CUBN: variants seen among roughly 807,000 people sequenced by gnomAD.
CUBN encodes the protein cubilin.
CUBN carries 282 observed loss-of-function variants against 405.3 expected under a neutral mutation model. That is an observed-to-expected ratio of 0.70 (90% CI 0.63 to 0.77). CUBN has a LOEUF of 0.77. Ranked by LOEUF, CUBN falls within the 30% of genes least tolerant of loss-of-function variation. The pLI, the probability that CUBN is intolerant of heterozygous loss-of-function variation, is 0.00. For missense variants in CUBN, 4,514 were observed against 4,475.2 expected (o/e 1.01, Z -0.25); for synonymous variants, 1,684 against 1,617.0 (o/e 1.04, Z -0.99).
At chr10:17,102,983 A>G in intron 13 of CUBN, 142 bp downstream of exon 13, 2 of 671,554 alleles carry the variant, frequency 3.0e-6, no homozygotes, top group Non-Finnish European at 5.4e-6. Context: ...TAGCCAAAAT[A>G]ATGGCACTCC....
intron 4 of CUBN, among the ~76,000 whole-genome samples, chr10:17,126,079 A>C (rs1394909074): frequency 6.6e-6 from 1 of 152,206 alleles, no homozygotes; most frequent in African/African-American, 2.4e-5. Flanking sequence ...AAGCATGAGC[A>C]AAACAGATGA....
rs190772763 is a variant in CUBN, at chr10:16,858,648, C to T, written c.9455-7205G>A. Among the ~76,000 whole-genome samples, 103 of 152,302 alleles carry T rather than the reference C, an allele frequency of 6.8e-4. 1 individual carries two copies. Among genetic ancestry groups the T allele is most frequent in the Middle Eastern group, 3.4e-3 (1 of 294 alleles). ...TTATTTTAAAATTTATATGGAAAGG[C>T]ACAGGCCTTCAAATAGCTAAAACAA... On this transcript the variant is annotated intron_variant, in intron 59 of 66. Transcript: ENST00000377833.
rs1408845072 is a variant in CUBN, at chr10:16,918,794, A to G, written c.6828T>C (p.Thr2276=). 4 of 1,613,670 alleles carry G rather than the reference A, an allele frequency of 2.5e-6. No individual in the cohort carries two copies. Among genetic ancestry groups the G allele is most frequent in the Admixed American group, 1.7e-5 (1 of 59,988 alleles). Residue 2276 remains threonine (T), a synonymous_variant, in exon 45 of 67, where the codon ACT becomes ACC. Transcript: ENST00000377833. ...CATCCCGCAACTCAAGGTAGTTGGA[A>G]GTACAGCTGAAGTGGGAACAAAATT... ...RFDIEVTPNC[T]SNYLELRDGV... is the part of the protein sequence containing the mutation.
chr10:16,949,458 TGTGTGTA>T lies in CUBN; in HGVS notation c.5080+536_5080+542del, dbSNP rs1329485080. The stretch of plus-strand genomic sequence containing the variant: ...TGGTGTGTGTGTGTGTGTGTGTGTG[TGTGTGTA>T]GTGTGTGTGTGTTTGTTTGTTTTGC... On this transcript the variant is annotated intron_variant, in intron 34 of 66. Transcript: ENST00000377833. 3.9e-3 allele frequency among the ~76,000 whole-genome samples: 254 copies of T among 65,032 alleles called. 5 individuals carry two copies. The highest frequency in any genetic ancestry group is 0.015 in the Middle Eastern group (2 of 134). The allele number at this position is 65,032 out of a possible 152,430, so 42.7% of individuals were successfully genotyped here.
Position 16,937,758 on chromosome 10 carries a change from G to A in CUBN, c.5760C>T (p.Ala1920=). 1 of 1,613,976 alleles carries A rather than the reference G, an allele frequency of 6.2e-7. No homozygotes were observed. Among genetic ancestry groups the A allele is most frequent in the Non-Finnish European group, 8.5e-7 (1 of 1,179,962 alleles). The change falls in exon 39 of 67, where the codon GCC becomes GCT. Residue 1920 remains alanine, a synonymous_variant. Transcript: ENST00000377833. ...LRIYDGPSIH[A]RLIGAYCGTQ... is the part of the protein sequence containing the mutation. ...TACCACAGTAAGCTCCAATTAGGCG[G>A]GCGTGAATGCTAGGCCCATCATAGA... is the stretch of plus-strand genomic sequence containing the variant.
Position 16,915,977 on chromosome 10 carries a change from G to A in CUBN, c.7054C>T (p.His2352Tyr). Reference sequence around the variant, plus strand: ...TTGTCTCTGTATGGAAGTGTTGGATGTCCAATGCTTTCAACAACACCACTT... The same window carrying A: ...TTGTCTCTGTATGGAAGTGTTGGATATCCAATGCTTTCAACAACACCACTT... ...GQSGVVESIGHPTLPYRDNLF... is the reference protein window; with the variant it reads ...GQSGVVESIGYPTLPYRDNLF... Residue 2352 changes from histidine to tyrosine, a missense_variant, in exon 46 of 67, where the codon CAT becomes TAT. Physicochemically the swap from His to Tyr is moderately conservative, Grantham distance 83. Coordinates refer to ENST00000377833, the MANE Select transcript of CUBN (RefSeq NM_001081.4). 1.2e-6 allele frequency: 2 copies of A among 1,614,090 alleles called. No individual in the cohort carries two copies. The highest frequency in any genetic ancestry group is 1.7e-6 in the Non-Finnish European group (2 of 1,180,014).
In CUBN at chr10:16,937,626, A is replaced by C. The variant is rs200395852; in HGVS notation, c.5892T>G (p.Asp1964Glu). The change falls in exon 39 of 67, where the codon GAT becomes GAG. Residue 1964 changes from aspartate (D) to glutamate (E), a missense_variant. By Grantham distance (45) the Asp-to-Glu change is conservative (BLOSUM62 2). This residue lies in a region of CUBN where 1,613 missense variants were observed against 1,542.8 expected (regional missense o/e 1.05). Coordinates refer to ENST00000377833, the MANE Select transcript of CUBN (RefSeq NM_001081.4). ...KGFLLEWFAV[D>E]APDGVLPTIA... Reference sequence around the variant, plus strand: ...TGGTAGGTAAAACACCATCAGGTGCATCCACTGCAAACCACTCCAGAAGGA... The same window carrying C: ...TGGTAGGTAAAACACCATCAGGTGCCTCCACTGCAAACCACTCCAGAAGGA... The C allele has an allele frequency of 7.4e-6, 12 of 1,613,932 alleles. No individual in the cohort carries two copies. The highest frequency in any genetic ancestry group is 1.0e-5 in the Non-Finnish European group (12 of 1,179,980).
intron 17 of CUBN, among the ~76,000 whole-genome samples, chr10:17,073,141 G>A (rs914179977): frequency 1.3e-5 from 2 of 151,956 alleles, no homozygotes; most frequent in Non-Finnish European, 2.9e-5. Context: ...ATAGATTATA[G>A]AAATAAAAAC....
At chr10:17,048,366 C>A (rs769501208) in intron 22 of CUBN, among the ~76,000 whole-genome samples, 9 of 152,240 alleles carry the variant, frequency 5.9e-5, no homozygotes, top group Non-Finnish European at 1.2e-4. Flanking sequence ...TCTAGTTTAA[C>A]AGTTTTAACG....
intron 31 of CUBN, among the ~76,000 whole-genome samples, chr10:16,963,063 T>C (rs1478358882): frequency 6.6e-6 from 1 of 152,126 alleles, no homozygotes; most frequent in African/African-American, 2.4e-5. Flanking sequence ...CATAAGGTTA[T>C]TGTAAAGATC....
intron 54 of CUBN, among the ~76,000 whole-genome samples, chr10:16,891,461 G>T (rs2669154): frequency 0.46 from 70,183 of 151,842 alleles, 18,700 homozygotes; most frequent in Middle Eastern, 0.63. Flanking sequence ...AAGGAGGAAG[G>T]GGTGAGGAAG....
At chr10:16,836,469 T>C in intron 62 of CUBN, 87 bp from the exon 63 acceptor site, 3 of 1,263,966 alleles carry the variant, frequency 2.4e-6, no homozygotes, top group Admixed American at 1.7e-5. Flanking sequence ...TATAAAAGCA[T>C]GGTGTAAATA....
intron 59 of CUBN, among the ~76,000 whole-genome samples, chr10:16,859,649 A>C (rs1419491476): frequency 6.6e-6 from 1 of 152,202 alleles, no homozygotes; most frequent in Non-Finnish European, 1.5e-5. Flanking sequence ...AATTTAAGAA[A>C]ATCAAGTCAT....
At chr10:16,828,159 G>C (rs1052257116) in intron 66 of CUBN, among the ~76,000 whole-genome samples, 2 of 148,288 alleles carry the variant, frequency 1.3e-5, no homozygotes, top group Non-Finnish European at 3.0e-5. Flanking sequence ...TGACGTCACA[G>C]AGGGAGCTTT....
chr10:16,950,650 GAAT>G (rs1842901113), intron 33 of CUBN, among the ~76,000 whole-genome samples: 1 of 152,188 alleles, frequency 6.6e-6, no homozygotes, highest in Non-Finnish European at 1.5e-5. Flanking sequence ...AAGAGTAATA[GAAT>G]AGATGGTTTC....
chr10:16,900,382 T>C (rs1472737822), intron 53 of CUBN, among the ~76,000 whole-genome samples: 1 of 152,254 alleles, frequency 6.6e-6, no homozygotes, highest in Non-Finnish European at 1.5e-5. Flanking sequence ...AAATCCCGAC[T>C]CTACCAATTA....
chr10:17,062,075 G>A (rs78668593), intron 22 of CUBN, among the ~76,000 whole-genome samples: 271 of 152,262 alleles, frequency 1.8e-3, no homozygotes, highest in Non-Finnish European at 3.4e-3. Context: ...CCCATGCGCG[G>A]AGATACTACA....
intron 57 of CUBN, 36 bp from the exon 58 acceptor site, chr10:16,874,539 C>T (rs761989468): frequency 6.2e-6 from 10 of 1,612,842 alleles, no homozygotes; most frequent in Middle Eastern, 1.6e-4. Context: ...AAGAGAACAA[C>T]GATTAGTCCC....
rs77218198 is a variant in CUBN at position 16,986,989 on chromosome 10, A to G, written c.4351-2710T>C. On this transcript the variant is annotated intron_variant, in intron 29 of 66. Coordinates refer to ENST00000377833, the MANE Select transcript of CUBN (RefSeq NM_001081.4). ...CCCAGAAGCCTCTAGAAGAATAAACACTGCCACTTTGGACATTATTTACTT... is the reference window on the plus strand; with the variant it reads ...CCCAGAAGCCTCTAGAAGAATAAACGCTGCCACTTTGGACATTATTTACTT... Among the ~76,000 whole-genome samples, 141 of 152,294 alleles carry G rather than the reference A, an allele frequency of 9.3e-4. 1 individual carries two copies. The highest frequency in any genetic ancestry group is 3.2e-3 in the African/African-American group (131 of 41,564).
Sources: allele counts gnomAD v4.1 joint callset (sites outside exome capture counted in the v4.1 genomes callset), GRCh38; gene constraint gnomAD v4.1.1; regional missense constraint gnomAD v4.1.1; transcripts MANE v1.5; gene names NCBI Gene and HGNC (gene_info 2026-07-23, HGNC 2026-07-21).